Variants in PLEKHG1 observed in about 807,000 individuals in gnomAD.
PLEKHG1 encodes the protein pleckstrin homology domain-containing family G member 1.
In PLEKHG1, 44 loss-of-function variants were observed where a neutral mutation model predicts 100.8. The ratio of observed to expected loss-of-function variants is 0.44; its 90% CI spans 0.34 to 0.56. The LOEUF is 0.56. Ranked by LOEUF, PLEKHG1 falls within the 20% of genes least tolerant of loss-of-function variation. The pLI is 0.01. For missense variants in PLEKHG1, 1,545 were observed against 1,720.9 expected, an observed-to-expected ratio of 0.90 and a Z score of 1.81; for synonymous variants, 640 against 662.5, an observed-to-expected ratio of 0.97 and a Z score of 0.52.
upstream of PLEKHG1, among the ~76,000 whole-genome samples, chr6:150,718,677 T>G (rs1300064724): frequency 1.3e-5 from 2 of 152,040 alleles, no homozygotes; most frequent in Non-Finnish European, 2.9e-5. Context: ...ATCATGTTGG[T>G]CAGGCTAGTC....
chr6:150,792,484 C>T (rs1485559598), intron 4 of PLEKHG1, among the ~76,000 whole-genome samples: 1 of 151,794 alleles, frequency 6.6e-6, no homozygotes, highest in Non-Finnish European at 1.5e-5. Flanking sequence ...ACCAGCCTGG[C>T]CAACATGGCT....
chr6:150,634,128 C>T (rs1777884741), intron 1 of PLEKHG1, among the ~76,000 whole-genome samples: 1 of 151,632 alleles, frequency 6.6e-6, no homozygotes, highest in African/African-American at 2.4e-5. Context: ...CCTGTAATCC[C>T]AGCTACTCTG....
chr6:150,624,657 A>G (rs1042627674), intron 1 of PLEKHG1: 6 of 152,260 alleles, frequency 3.9e-5, no homozygotes, highest in African/African-American at 9.6e-5. Context: ...AAAACTTTCT[A>G]TGCACCAACA....
intron 3 of PLEKHG1, among the ~76,000 whole-genome samples, chr6:150,678,110 G>C (rs1159165537): frequency 1.0e-5 from 1 of 95,470 alleles, no homozygotes; most frequent in African/African-American, 3.8e-5. Flanking sequence ...ATATGTTGTG[G>C]AATGATCAAA....
At chr6:150,821,542 G>A (rs1398035388) in intron 13 of PLEKHG1, among the ~76,000 whole-genome samples, 1 of 151,954 alleles carries the variant, frequency 6.6e-6, no homozygotes, top group East Asian at 1.9e-4. Context: ...AAATTAGCCA[G>A]TCCCAGTGGC....
intron 2 of PLEKHG1, among the ~76,000 whole-genome samples, chr6:150,639,307 T>C (rs1238318140): frequency 6.6e-6 from 1 of 152,208 alleles, no homozygotes; most frequent in African/African-American, 2.4e-5. Context: ...TATATTTCTC[T>C]ATTTTTCTTT....
At chr6:150,734,184 T>C (rs1782446325) in intron 2 of PLEKHG1, 92 bp downstream of exon 3, 3 of 1,260,700 alleles carry the variant, frequency 2.4e-6, no homozygotes, top group African/African-American at 3.0e-5. Context: ...GGGGATGTCT[T>C]CTAAGAGGCG....
At chr6:150,709,826 G>GC (rs1781178323) in intron 3 of PLEKHG1, among the ~76,000 whole-genome samples, 1 of 152,066 alleles carries the variant, frequency 6.6e-6, no homozygotes, top group African/African-American at 2.4e-5. Flanking sequence ...TTGTTCTTTT[G>GC]CCCAGGCTGG....
intron 1 of PLEKHG1, among the ~76,000 whole-genome samples, chr6:150,632,513 G>A (rs1013762570): frequency 1.3e-5 from 2 of 152,218 alleles, no homozygotes; most frequent in Non-Finnish European, 2.9e-5. Context: ...GGTTGGAGAG[G>A]CCCCCAGGCG....
rs546984942 is a variant in PLEKHG1, at chr6:150,674,097, A to G, written c.-99+23311A>G. ...AAAAAAGAATCTTTGAATGTGTATCAGCCTATCAGTGTTTATTAATCCCAG... is the reference window on the plus strand; with the variant it reads ...AAAAAAGAATCTTTGAATGTGTATCGGCCTATCAGTGTTTATTAATCCCAG... On this transcript the variant is annotated intron_variant, in intron 3 of 3. Transcript: ENST00000367326. Among the ~76,000 whole-genome samples the G allele has an allele frequency of 1.3e-4, 20 of 152,326 alleles. No individual in the cohort carries two copies. In the South Asian group the frequency reaches 4.1e-3, roughly 32 times the overall value.
chr6:150,722,963 A>G (rs1781775460), intron 1 of PLEKHG1, among the ~76,000 whole-genome samples: 1 of 152,182 alleles, frequency 6.6e-6, no homozygotes, highest in African/African-American at 2.4e-5. Flanking sequence ...CTAAATTACA[A>G]ATAGAGATTT....
chr6:150,741,663 T>C (rs73011237), intron 2 of PLEKHG1, among the ~76,000 whole-genome samples: 14,840 of 150,822 alleles, frequency 0.098, 860 homozygotes, highest in East Asian at 0.18. Context: ...ACAAAGTGAC[T>C]TATCCCCCAG....
chr6:150,832,291 C>T (rs1776990676), intron 15 of PLEKHG1, 86 bp downstream of exon 16: 1 of 1,090,884 alleles, frequency 9.2e-7, no homozygotes, highest in African/African-American at 1.6e-5. Context: ...ACGGACACAC[C>T]TGTGAGAACA....
chr6:150,644,629 C>T (rs1029744265), intron 2 of PLEKHG1, among the ~76,000 whole-genome samples: 45 of 151,890 alleles, frequency 3.0e-4, no homozygotes, highest in African/African-American at 9.2e-4. Context: ...TGTGCCCAGC[C>T]GATAGTGTTT....
At chr6:150,627,476 A>G (rs781253034) in intron 1 of PLEKHG1, among the ~76,000 whole-genome samples, 1 of 152,184 alleles carries the variant, frequency 6.6e-6, no homozygotes, top group Non-Finnish European at 1.5e-5. Flanking sequence ...GTGAAGAGAA[A>G]CAAAACTTGA....
chr6:150,608,520 A>G (rs1776695134), intron 1 of PLEKHG1, among the ~76,000 whole-genome samples: 1 of 152,260 alleles, frequency 6.6e-6, no homozygotes, highest in African/African-American at 2.4e-5. Flanking sequence ...TAACTATTCT[A>G]AAAATCTCCC....
At chr6:150,840,259 A>T in exon 16 of PLEKHG1, 1 of 1,614,148 alleles carries the variant, frequency 6.2e-7, no homozygotes, top group Non-Finnish European at 8.5e-7. Context: ...ATCAGCGCTA[A>T]ATCTCAGCCT....
upstream of PLEKHG1, among the ~76,000 whole-genome samples, chr6:150,719,448 C>T (rs1312329489): frequency 1.3e-5 from 2 of 152,064 alleles, no homozygotes; most frequent in Non-Finnish European, 2.9e-5. Context: ...GTGTCTGCCT[C>T]GAGAATATCA....
intron 2 of PLEKHG1, among the ~76,000 whole-genome samples, chr6:150,758,665 G>A (rs1027618436): frequency 1.3e-5 from 2 of 152,212 alleles, no homozygotes; most frequent in African/African-American, 4.8e-5. Context: ...TCGTCATTCT[G>A]ACTAAGCATG....
Sources: gnomAD v4.1 joint callset for allele counts (sites outside exome capture counted in the v4.1 genomes callset) on GRCh38, gnomAD v4.1.1 for gene constraint, MANE v1.5 for transcripts, NCBI Gene and HGNC (gene_info 2026-07-23, HGNC 2026-07-21) for gene names.